The following GABRB3 variants were observed in gnomAD, a reference collection of about 807,000 sequenced individuals.
GABRB3 encodes gamma-aminobutyric acid type A receptor subunit beta3.
Under a neutral mutation model 52.1 loss-of-function variants are expected in GABRB3, and 14 were observed. That is an observed-to-expected ratio of 0.27 (90% confidence interval 0.18 to 0.42). The LOEUF (loss-of-function observed/expected upper bound fraction) is 0.42, where lower values mean the gene tolerates loss of function less well. Ranked by LOEUF, GABRB3 falls within the 10% of genes least tolerant of loss-of-function variation. The pLI, the probability that GABRB3 is intolerant of heterozygous loss-of-function variation, is 1.00. For synonymous variants in GABRB3, 260 were observed against 232.3 expected (o/e 1.12, Z -1.08); for missense variants, 307 against 609.1 (o/e 0.50, Z 5.22).
chr15:26,616,032 A>G (rs1157271948), intron 4 of GABRB3: 2 of 1,289,124 alleles, frequency 1.6e-6, no homozygotes, highest in Admixed American at 2.3e-5. Context: ...CAGCTGTGCC[A>G]GACCTCCTCC....
chr15:26,642,110 C>G (rs1893217975), intron 3 of GABRB3, among the ~76,000 whole-genome samples: 1 of 152,146 alleles, frequency 6.6e-6, no homozygotes, highest in Non-Finnish European at 1.5e-5. Context: ...CCAGGCCAGT[C>G]TTGAACTCCC....
At chr15:26,633,792 C>G (rs1231045134) in intron 3 of GABRB3, among the ~76,000 whole-genome samples, 1 of 152,174 alleles carries the variant, frequency 6.6e-6, no homozygotes, top group African/African-American at 2.4e-5. Context: ...TTTTTGCCTA[C>G]TTTATTTCTG....
chr15:26,705,626 C>T (rs905073644), intron 3 of GABRB3, among the ~76,000 whole-genome samples: 13 of 151,994 alleles, frequency 8.6e-5, no homozygotes, highest in African/African-American at 3.1e-4. Context: ...AAACAAAAAA[C>T]CCAGACAAAC....
intron 3 of GABRB3, among the ~76,000 whole-genome samples, chr15:26,726,559 T>C (rs1889776956): frequency 6.6e-6 from 1 of 152,126 alleles, no homozygotes. Context: ...CACTGAGGAG[T>C]TCCGACAAGG....
chr15:26,645,855 C>T (rs1595506104), intron 3 of GABRB3, among the ~76,000 whole-genome samples: 3 of 152,174 alleles, frequency 2.0e-5, no homozygotes, highest in African/African-American at 7.2e-5. Context: ...CAGCCTCAAA[C>T]TTCTGGGCTC....
chr15:26,589,516 T>G (rs961438137), intron 4 of GABRB3, among the ~76,000 whole-genome samples: 1 of 152,232 alleles, frequency 6.6e-6, no homozygotes, highest in African/African-American at 2.4e-5. Flanking sequence ...TTGCAAGCAC[T>G]GATTCTGATT....
chr15:26,617,438 GA>G (rs1330658587), intron 4 of GABRB3, among the ~76,000 whole-genome samples: 2 of 152,194 alleles, frequency 1.3e-5, no homozygotes, highest in Non-Finnish European at 2.9e-5. Context: ...AATAGATGCA[GA>G]AAAGCCCTTT....
intron 3 of GABRB3, among the ~76,000 whole-genome samples, chr15:26,655,569 T>C (rs867032421): frequency 3.0e-4 from 45 of 152,148 alleles, no homozygotes; most frequent in Middle Eastern, 3.4e-3. Context: ...GGTGAAACCC[T>C]GTCTCTACTA....
At chr15:26,662,646 G>A (rs1419101730) in intron 3 of GABRB3, among the ~76,000 whole-genome samples, 1 of 152,108 alleles carries the variant, frequency 6.6e-6, no homozygotes, top group East Asian at 1.9e-4. Context: ...GTCCTTGCAC[G>A]CACAGCTCGC....
At chr15:26,552,781 G>T (rs1450147592) in intron 8 of GABRB3, among the ~76,000 whole-genome samples, 1 of 152,168 alleles carries the variant, frequency 6.6e-6, no homozygotes, top group Non-Finnish European at 1.5e-5. Flanking sequence ...ACAAAGGAAA[G>T]AAGTGGGTGG....
chr15:26,696,693 C>T (rs1293493213), intron 3 of GABRB3, among the ~76,000 whole-genome samples: 1 of 152,196 alleles, frequency 6.6e-6, no homozygotes, highest in African/African-American at 2.4e-5. Context: ...CAGCAACCAG[C>T]AGCCACACTG....
intron 2 of GABRB3, 92 bp downstream of exon 2, chr15:26,772,589 C>G: frequency 7.0e-7 from 1 of 1,438,108 alleles, no homozygotes; most frequent in Non-Finnish European, 9.4e-7. Context: ...CCACCCGCCG[C>G]TGCTCCGCGG....
chr15:26,557,684 T>C (rs1258106007), intron 8 of GABRB3: 2 of 152,150 alleles, frequency 1.3e-5, no homozygotes, highest in African/African-American at 4.8e-5. Context: ...TACGTTGACT[T>C]CAAACCTTAA....
intron 3 of GABRB3, among the ~76,000 whole-genome samples, chr15:26,717,887 C>T (rs951581262): frequency 7.9e-5 from 12 of 152,214 alleles, no homozygotes; most frequent in Non-Finnish European, 4.4e-5. Context: ...AGGTAGAGAT[C>T]CCTTGATCCT....
At chr15:26,577,372 G>A (rs939343217) in intron 6 of GABRB3, among the ~76,000 whole-genome samples, 1 of 152,100 alleles carries the variant, frequency 6.6e-6, no homozygotes, top group Non-Finnish European at 1.5e-5. Flanking sequence ...ATTTAGCCAG[G>A]CATGGTGGCA....
intron 3 of GABRB3, among the ~76,000 whole-genome samples, chr15:26,676,818 A>C (rs770903195): frequency 6.6e-6 from 1 of 152,248 alleles, no homozygotes; most frequent in African/African-American, 2.4e-5. Flanking sequence ...AAGATAAAAT[A>C]AATGATTATG....
intron 3 of GABRB3, among the ~76,000 whole-genome samples, chr15:26,670,219 G>A (rs562840340): frequency 6.6e-6 from 1 of 152,328 alleles, no homozygotes; most frequent in Admixed American, 6.5e-5. Flanking sequence ...CGAGCGGGAG[G>A]GAGGCCAGGC....
chr15:26,614,377 G>A (rs1000799868), intron 4 of GABRB3: 2 of 152,180 alleles, frequency 1.3e-5, no homozygotes, highest in Non-Finnish European at 2.9e-5. Flanking sequence ...AATTTAAAGT[G>A]AGTCAGGCAA....
rs780403563 is a variant in GABRB3 at position 26,671,288 on chromosome 15, T to C, written c.241-49754A>G. ...GGAGAAACTTCCATCACTAAGTGAT[T>C]TGAAATAAACAGAATTCATTATGCT... On this transcript the variant is annotated intron_variant, in intron 3 of 8. Transcript: ENST00000311550. Among the ~76,000 whole-genome samples, 41 of 152,250 alleles carry C rather than the reference T, an allele frequency of 2.7e-4. 1 individual carries two copies. The highest frequency in any genetic ancestry group is 5.3e-4 in the Non-Finnish European group (36 of 68,040).
Sources: gnomAD v4.1 joint callset for allele counts (sites outside exome capture counted in the v4.1 genomes callset) on GRCh38, gnomAD v4.1.1 for gene constraint, MANE v1.5 for transcripts, NCBI Gene and HGNC (gene_info 2026-07-23, HGNC 2026-07-21) for gene names.